The following PANK1 variants were observed in gnomAD, a reference collection of about 807,000 sequenced individuals.
PANK1 encodes pantothenate kinase 1.
In PANK1, 18 loss-of-function variants were observed where a neutral mutation model predicts 40.1. That is an observed-to-expected ratio of 0.45 (90% CI 0.31 to 0.67). The LOEUF is 0.67. Ranked by LOEUF, PANK1 falls within the 30% of genes least tolerant of loss-of-function variation. The probability of loss-of-function intolerance (pLI) is 0.06; values close to 1 mark genes in which losing one functional copy is unlikely to be tolerated. For missense variants in PANK1, 457 were observed against 599.6 expected (o/e 0.76, Z 2.48); for synonymous variants, 242 against 237.7 (o/e 1.02, Z -0.17).
In PANK1 at chr10:89,635,145, G is replaced by T. The variant is rs557843185; in HGVS notation, c.292+9455C>A. The stretch of plus-strand genomic sequence containing the variant: ...TTTAGCAAATATATATATATATATA[G>T]AGAGAGAGAGAGATAAAATGTCCTC... On this transcript the variant is annotated intron_variant, in intron 1 of 6. Transcript: ENST00000307534. Among the ~76,000 whole-genome samples the T allele has an allele frequency of 6.1e-3, 915 of 150,042 alleles. 4 individuals carry two copies. The highest frequency in any genetic ancestry group is 0.013 in the African/African-American group (518 of 40,796).
chr10:89,598,313 T>A (rs1844672118), intron 3 of PANK1, among the ~76,000 whole-genome samples: 1 of 152,142 alleles, frequency 6.6e-6, no homozygotes, highest in Non-Finnish European at 1.5e-5. Flanking sequence ...CTGGAAAAAG[T>A]CTGTAGAAGC....
At chr10:89,636,841 G>A (rs1841831974) in intron 1 of PANK1, among the ~76,000 whole-genome samples, 1 of 151,214 alleles carries the variant, frequency 6.6e-6, no homozygotes, top group African/African-American at 2.4e-5. Flanking sequence ...CCAAAGCTGT[G>A]GCCTGAGCCA....
At chr10:89,603,569 G>T (rs1187156819) in intron 2 of PANK1, among the ~76,000 whole-genome samples, 1 of 152,122 alleles carries the variant, frequency 6.6e-6, no homozygotes, top group Non-Finnish European at 1.5e-5. Flanking sequence ...GGGTCAGTGG[G>T]TTAAGTTACC....
intron 1 of PANK1, among the ~76,000 whole-genome samples, chr10:89,631,911 T>G (rs1034471132): frequency 6.6e-6 from 1 of 151,708 alleles, no homozygotes; most frequent in East Asian, 1.9e-4. Flanking sequence ...CACAATAGTC[T>G]CAACTGGATA....
intron 1 of PANK1, among the ~76,000 whole-genome samples, chr10:89,616,591 C>T (rs1399914026): frequency 1.3e-5 from 2 of 152,068 alleles, no homozygotes; most frequent in Non-Finnish European, 2.9e-5. Flanking sequence ...TGAATAGTTG[C>T]TGCACTCTGG....
At chr10:89,610,474 A>C (rs959055470) in intron 2 of PANK1, among the ~76,000 whole-genome samples, 2 of 150,286 alleles carry the variant, frequency 1.3e-5, no homozygotes, top group African/African-American at 4.9e-5. Flanking sequence ...GAAAAAAAAA[A>C]ACAAAAACTG....
chr10:89,631,630 T>C (rs1349981113), intron 1 of PANK1, among the ~76,000 whole-genome samples: 1 of 152,196 alleles, frequency 6.6e-6, no homozygotes, highest in East Asian at 1.9e-4. Flanking sequence ...AAAAATTATG[T>C]AGGAGATACT....
At chr10:89,593,663 T>A in intron 4 of PANK1, 150 bp downstream of exon 4, 1 of 670,476 alleles carries the variant, frequency 1.5e-6, no homozygotes, top group Non-Finnish European at 2.6e-6. Flanking sequence ...CAGTGCTTCA[T>A]CAAGGGCAGG....
chr10:89,634,979 A>C (rs944752763), intron 1 of PANK1, among the ~76,000 whole-genome samples: 1 of 152,194 alleles, frequency 6.6e-6, no homozygotes. Context: ...AGGTTGGGGA[A>C]TACTCTGAAA....
intron 1 of PANK1, chr10:89,613,903 A>G (rs1845239047): frequency 4.5e-6 from 2 of 446,688 alleles, no homozygotes; most frequent in South Asian, 3.2e-5. Context: ...AGCAGCAGAC[A>G]GTAAGTAGCT....
rs560927448 is a variant in PANK1, at chr10:89,620,260, G to T, written c.293-8212C>A. 5.3e-5 allele frequency among the ~76,000 whole-genome samples: 8 copies of T among 152,228 alleles called. No individual in the cohort carries two copies. The South Asian group carries it at 1.7e-3, about 32-fold the overall frequency. On this transcript the variant is annotated intron_variant, in intron 1 of 6. Transcript: ENST00000307534. Reference sequence around the variant, plus strand: ...AGGGAACAAGGGAGATAACCGTAAGGCCAAACTGCCTGCAGGGCTGGGCAG... The same window carrying T: ...AGGGAACAAGGGAGATAACCGTAAGTCCAAACTGCCTGCAGGGCTGGGCAG...
chr10:89,631,989 A>ATTTTTT (rs1554842618), intron 1 of PANK1, among the ~76,000 whole-genome samples: 16 of 102,626 alleles, frequency 1.6e-4, no homozygotes, highest in African/African-American at 4.6e-4. Flanking sequence ...TTTTTTTTTA[A>ATTTTTT]AAAGGGTTCT....
intron 1 of PANK1, 140 bp from the exon 2 acceptor site, chr10:89,612,188 T>C (rs3802654): frequency 0.59 from 442,193 of 746,962 alleles, 133,805 homozygotes; most frequent in South Asian, 0.62. Context: ...TTCAACTATA[T>C]GTGCCTAAAA....
intron 1 of PANK1, among the ~76,000 whole-genome samples, chr10:89,632,041 T>C (rs923382658): frequency 1.1e-4 from 16 of 151,834 alleles, no homozygotes; most frequent in African/African-American, 3.9e-4. Context: ...ATACTAAACA[T>C]ATGATTTCTG....
chr10:89,595,266 C>G (rs1364297263), intron 3 of PANK1, among the ~76,000 whole-genome samples: 5 of 151,824 alleles, frequency 3.3e-5, no homozygotes, highest in Non-Finnish European at 4.4e-5. Context: ...GCCTGGCCAA[C>G]AAGGTGAAAC....
chr10:89,624,387 A>G (rs1845598174), intron 1 of PANK1, among the ~76,000 whole-genome samples: 1 of 152,236 alleles, frequency 6.6e-6, no homozygotes, highest in South Asian at 2.1e-4. Flanking sequence ...CTTTACACCA[A>G]CAATAATAAA....
chr10:89,584,514 T>C (rs746594258), intron 6 of PANK1, 49 bp from the exon 7 acceptor site: 3 of 1,225,478 alleles, frequency 2.4e-6, no homozygotes, highest in African/African-American at 1.5e-5. Context: ...GCCAAATATG[T>C]ATTGTTTTTA....
At chr10:89,623,099 T>C (rs1327154) in intron 1 of PANK1, among the ~76,000 whole-genome samples, 20,673 of 152,204 alleles carry the variant, frequency 0.14, 1,925 homozygotes, top group African/African-American at 0.26. Flanking sequence ...ATTAAATGGC[T>C]ATTTGGACAC....
chr10:89,619,573 C>T (rs1845420126), intron 1 of PANK1, among the ~76,000 whole-genome samples: 1 of 152,076 alleles, frequency 6.6e-6, no homozygotes, highest in African/African-American at 2.4e-5. Flanking sequence ...GGCGAGTGTT[C>T]CTGGTGAGAT....
Sources: allele counts gnomAD v4.1 joint callset (sites outside exome capture counted in the v4.1 genomes callset), GRCh38; gene constraint gnomAD v4.1.1; transcripts MANE v1.5; gene names NCBI Gene and HGNC (gene_info 2026-07-23, HGNC 2026-07-21).